Variants in HHAT observed in about 807,000 individuals in gnomAD.
The protein encoded by HHAT is protein-cysteine N-palmitoyltransferase HHAT.
A neutral mutation model predicts 70.8 loss-of-function variants in HHAT; 47 were observed. The ratio of observed to expected loss-of-function variants is 0.66; its 90% CI spans 0.53 to 0.85. The LOEUF (loss-of-function observed/expected upper bound fraction) is 0.85. HHAT is among the 40% of genes least tolerant of loss of function. The pLI is 0.00. For synonymous variants in HHAT, 228 were observed against 247.6 expected, an observed-to-expected ratio of 0.92 and a Z score of 0.74; for missense variants, 609 against 604.8, an observed-to-expected ratio of 1.01 and a Z score of -0.07.
At chr1:210,552,795 G>A (rs142610215) in intron 9 of HHAT, among the ~76,000 whole-genome samples, 2 of 152,298 alleles carry the variant, frequency 1.3e-5, no homozygotes, top group African/African-American at 4.8e-5. Context: ...CCCTTGGTTT[G>A]CCTGGTGATT....
At chr1:210,584,656 CTT>C (rs1054765910) in intron 9 of HHAT, among the ~76,000 whole-genome samples, 1 of 152,194 alleles carries the variant, frequency 6.6e-6, no homozygotes, top group Non-Finnish European at 1.5e-5. Context: ...CCAACCTTCT[CTT>C]TGCCTAGCAA....
At chr1:210,428,286 C>CTATA (rs66516721) in intron 7 of HHAT, among the ~76,000 whole-genome samples, 4 of 101,524 alleles carry the variant, frequency 3.9e-5, no homozygotes, top group Non-Finnish European at 7.5e-5. Flanking sequence ...TGAGCTTATA[C>CTATA]TATATATATA....
At chr1:210,595,926 C>A (rs1473967810) in intron 10 of HHAT, among the ~76,000 whole-genome samples, 1 of 152,096 alleles carries the variant, frequency 6.6e-6, no homozygotes, top group African/African-American at 2.4e-5. Context: ...GTTGCCTGAT[C>A]ACTCTGATGG....
intron 7 of HHAT, among the ~76,000 whole-genome samples, chr1:210,437,065 T>G (rs2093394681): frequency 6.6e-6 from 1 of 151,836 alleles, no homozygotes; most frequent in South Asian, 2.1e-4. Flanking sequence ...TTCCACTCTT[T>G]GAATACTGAC....
intron 11 of HHAT, among the ~76,000 whole-genome samples, chr1:210,645,815 G>C (rs899980483): frequency 1.3e-5 from 2 of 152,178 alleles, no homozygotes; most frequent in African/African-American, 4.8e-5. Flanking sequence ...GCCTGCATCT[G>C]AGACTTGTAG....
intron 4 of HHAT, among the ~76,000 whole-genome samples, chr1:210,388,691 A>G (rs1232361034): frequency 1.3e-5 from 2 of 152,168 alleles, no homozygotes; most frequent in African/African-American, 2.4e-5. Context: ...TAAGCTAGTA[A>G]TAAATATATC....
At chr1:210,516,322 TA>T (rs1014952465) in intron 9 of HHAT, among the ~76,000 whole-genome samples, 3 of 152,056 alleles carry the variant, frequency 2.0e-5, no homozygotes, top group African/African-American at 7.2e-5. Flanking sequence ...GTGGAGTGGA[TA>T]TTTTTTTCTT....
chr1:210,618,844 A>G (rs944019802), intron 10 of HHAT, among the ~76,000 whole-genome samples: 1 of 152,206 alleles, frequency 6.6e-6, no homozygotes, highest in Non-Finnish European at 1.5e-5. Context: ...AGATTTGAAT[A>G]TACACAGGAA....
chr1:210,628,920 C>T (rs966435403), intron 11 of HHAT, among the ~76,000 whole-genome samples: 1 of 152,174 alleles, frequency 6.6e-6, no homozygotes, highest in African/African-American at 2.4e-5. Flanking sequence ...GGGCAGGTGT[C>T]GGTGTCTCAG....
At chr1:210,616,250 T>C (rs759736708) in intron 10 of HHAT, among the ~76,000 whole-genome samples, 43 of 152,216 alleles carry the variant, frequency 2.8e-4, no homozygotes, top group Non-Finnish European at 4.7e-4. Context: ...ATTAACTATA[T>C]AGTCACTGTG....
intron 1 of HHAT, among the ~76,000 whole-genome samples, chr1:210,345,580 TA>T (rs1230188399): frequency 6.6e-6 from 1 of 152,282 alleles, no homozygotes; most frequent in Non-Finnish European, 1.5e-5. Context: ...AGCTCTTGTT[TA>T]TTTCAGTGTT....
intron 10 of HHAT, chr1:210,590,210 G>A (rs985952802): frequency 6.6e-6 from 1 of 152,074 alleles, no homozygotes; most frequent in African/African-American, 2.4e-5. Flanking sequence ...TTCTTATGTA[G>A]TTCCACACAA....
intron 8 of HHAT, among the ~76,000 whole-genome samples, chr1:210,472,417 T>C (rs1351144977): frequency 6.6e-6 from 1 of 152,216 alleles, no homozygotes; most frequent in African/African-American, 2.4e-5. Context: ...CTCTTGAGTC[T>C]GTGCTCTTGA....
At chr1:210,356,485 T>G (rs573488985) in intron 2 of HHAT, among the ~76,000 whole-genome samples, 68 of 152,300 alleles carry the variant, frequency 4.5e-4, no homozygotes, top group African/African-American at 1.5e-3. Flanking sequence ...GAGCTTTTGC[T>G]TTTTCTGGTG....
intron 11 of HHAT, among the ~76,000 whole-genome samples, chr1:210,666,224 G>C (rs187053619): frequency 1.3e-5 from 2 of 152,338 alleles, no homozygotes; most frequent in Non-Finnish European, 2.9e-5. Context: ...ACACAATTCA[G>C]CAACTCAATT....
rs538603960 is a variant in HHAT at position 210,561,087 on chromosome 1, C to T, written c.1044-26811C>T. 3.9e-5 allele frequency among the ~76,000 whole-genome samples: 6 copies of T among 152,200 alleles called. No homozygotes were observed. In the South Asian group the frequency reaches 6.2e-4, roughly 16 times the overall value. ...AGGTTTAAAACAGAATCCTTTGCCC[C>T]GTTCCAGTTTCTAGCTGAGGTGTGG... On this transcript the variant is annotated intron_variant, in intron 9 of 11. Coordinates refer to ENST00000261458, the MANE Select transcript of HHAT (RefSeq NM_018194.6).
intron 4 of HHAT, among the ~76,000 whole-genome samples, chr1:210,395,396 AAGG>A (rs2091727052): frequency 6.6e-6 from 1 of 151,154 alleles, no homozygotes; most frequent in Non-Finnish European, 1.5e-5. Flanking sequence ...TTTCAAAAGA[AAGG>A]AGGGCAAATC....
chr1:210,358,044 G>T lies in HHAT; in HGVS notation c.92-4808G>T, dbSNP rs577174877. ...GCTTCCAGGTAATCTGCTTTCTTAA[G>T]ACTTCTAATAAGCCTCCCACAATGA... On this transcript the variant is annotated intron_variant, in intron 2 of 11. Transcript: ENST00000261458. Among the ~76,000 whole-genome samples, 223 of 152,216 alleles carry T rather than the reference G, an allele frequency of 1.5e-3. 1 individual carries two copies. Among genetic ancestry groups the T allele is most frequent in the Middle Eastern group, 6.8e-3 (2 of 292 alleles).
intron 10 of HHAT, among the ~76,000 whole-genome samples, chr1:210,597,362 G>A (rs529613731): frequency 6.6e-5 from 10 of 152,254 alleles, no homozygotes; most frequent in East Asian, 1.9e-4. Context: ...AGGCCCTAGC[G>A]TTCTATAATC....
Sources: allele counts gnomAD v4.1 joint callset (sites outside exome capture counted in the v4.1 genomes callset), GRCh38; gene constraint gnomAD v4.1.1; transcripts MANE v1.5; gene names NCBI Gene and HGNC (gene_info 2026-07-23, HGNC 2026-07-21).